INPP4B: variants seen among roughly 807,000 people sequenced by gnomAD.
INPP4B encodes inositol polyphosphate-4-phosphatase type II B.
A neutral mutation model predicts 122.5 loss-of-function variants in INPP4B; 55 were observed. The ratio of observed to expected loss-of-function variants is 0.45; its 90% CI spans 0.36 to 0.56. The LOEUF (loss-of-function observed/expected upper bound fraction) is 0.56, where lower values mean the gene tolerates loss of function less well. Among genes scored for constraint, INPP4B ranks in the 20% least tolerant of loss-of-function variants. INPP4B has a pLI of 0.00. For missense variants in INPP4B, 1,000 were observed against 1,097.7 expected (o/e 0.91, Z 1.26); for synonymous variants, 403 against 388.7 (o/e 1.04, Z -0.43).
intron 12 of INPP4B, among the ~76,000 whole-genome samples, chr4:142,225,513 C>T (rs1171735577): frequency 6.8e-6 from 1 of 147,934 alleles, no homozygotes; most frequent in Non-Finnish European, 1.5e-5. Flanking sequence ...CTAATATACA[C>T]ACAAATATAT....
chr4:142,545,817 G>GTGTGTATATATATACACATATATA (rs1560782705), intron 2 of INPP4B, among the ~76,000 whole-genome samples: 1 of 53,250 alleles, frequency 1.9e-5, no homozygotes, highest in African/African-American at 4.9e-5. Flanking sequence ...ACATATACAT[G>GTGTGTATATATATACACATATATA]TGTGTATATA....
chr4:142,402,149 T>C (rs1308156474), intron 7 of INPP4B, among the ~76,000 whole-genome samples: 1 of 152,334 alleles, frequency 6.6e-6, no homozygotes, highest in Admixed American at 6.5e-5. Flanking sequence ...CCACCTGCCA[T>C]TAAAGAGTTT....
intron 7 of INPP4B, among the ~76,000 whole-genome samples, chr4:142,392,670 G>T (rs548599850): frequency 2.0e-5 from 3 of 152,188 alleles, no homozygotes; most frequent in African/African-American, 4.8e-5. Flanking sequence ...TATCCCTCAC[G>T]ATAGGCTCTA....
intron 5 of INPP4B, among the ~76,000 whole-genome samples, chr4:142,416,761 T>C (rs1805858100): frequency 6.6e-6 from 1 of 152,154 alleles, no homozygotes; most frequent in Non-Finnish European, 1.5e-5. Flanking sequence ...TGTGATTCTG[T>C]GTAGGCAAAA....
chr4:142,271,104 C>T (rs932133513), intron 9 of INPP4B, among the ~76,000 whole-genome samples: 3 of 150,680 alleles, frequency 2.0e-5, no homozygotes, highest in African/African-American at 7.3e-5. Flanking sequence ...GCTGGGATTA[C>T]AGGCATGTGC....
chr4:142,469,757 A>G (rs10012476), intron 2 of INPP4B, among the ~76,000 whole-genome samples: 22,623 of 152,078 alleles, frequency 0.15, 1,956 homozygotes, highest in East Asian at 0.36. Flanking sequence ...TATTAAAGGG[A>G]CAATATAATT....
Position 142,806,278 on chromosome 4 carries a change from C to CAAAAAAAA in INPP4B, c.-254+39923_-254+39930dup, listed in dbSNP as rs1175185594. Reference sequence around the variant, plus strand: ...TGGGAGAACGAGTGAGACTCCGTCTCAAAAAAAAAAAAAAAAAAAAAAAAA... The same window carrying CAAAAAAAA: ...TGGGAGAACGAGTGAGACTCCGTCTCAAAAAAAAAAAAAAAAAAAAAAAAAAAAAAAAA... On this transcript the variant is annotated intron_variant, in intron 1 of 25. Transcript: ENST00000262992. Among the ~76,000 whole-genome samples, 165 of 53,580 alleles carry CAAAAAAAA rather than the reference C, an allele frequency of 3.1e-3. 3 individuals carry two copies. The highest frequency in any genetic ancestry group is 0.01 in the African/African-American group (138 of 13,748). 35.2% of individuals were successfully genotyped at this position (53,580 alleles called of 152,430 possible).
chr4:142,524,230 G>A (rs1428059673), intron 2 of INPP4B, among the ~76,000 whole-genome samples: 16 of 152,068 alleles, frequency 1.1e-4, no homozygotes, highest in Non-Finnish European at 1.8e-4. Context: ...AGGAATCGCC[G>A]CACCGACTTC....
chr4:142,668,701 A>C (rs969042199), intron 2 of INPP4B, among the ~76,000 whole-genome samples: 6 of 152,176 alleles, frequency 3.9e-5, no homozygotes, highest in African/African-American at 1.4e-4. Flanking sequence ...TTGTACACTA[A>C]CAGTGAACTA....
rs140160077 is a variant in INPP4B, at chr4:142,042,841, A to G, written c.2643-13927T>C. Among the ~76,000 whole-genome samples the G allele has an allele frequency of 2.6e-4, 39 of 152,246 alleles. No individual in the cohort carries two copies. The East Asian group carries it at 4.5e-3, about 17-fold the overall frequency. ...CTCCCAAAGTGCTGGGATTACAGGC[A>G]TGAGCCACCGCGCCCAGACGATTCT... On this transcript the variant is annotated intron_variant, in intron 25 of 25. Coordinates refer to ENST00000262992, the MANE Select transcript of INPP4B (RefSeq NM_001101669.3).
chr4:142,768,492 G>A (rs1297107785), intron 1 of INPP4B, among the ~76,000 whole-genome samples: 1 of 152,186 alleles, frequency 6.6e-6, no homozygotes, highest in African/African-American at 2.4e-5. Context: ...CAGTCACATA[G>A]GAGTGGCCTC....
chr4:142,431,125 GCAT>G (rs1223529366), intron 4 of INPP4B, 41 bp downstream of exon 4: 1 of 1,446,892 alleles, frequency 6.9e-7, no homozygotes, highest in Admixed American at 1.7e-5. Flanking sequence ...GGCCCAATTT[GCAT>G]CTTTAGATGC....
intron 2 of INPP4B, among the ~76,000 whole-genome samples, chr4:142,612,408 T>A (rs1742749422): frequency 6.6e-6 from 1 of 152,224 alleles, no homozygotes; most frequent in African/African-American, 2.4e-5. Context: ...TATCCATTCT[T>A]TATGTCTTAG....
At chr4:142,385,540 G>A (rs28588752) in intron 7 of INPP4B, among the ~76,000 whole-genome samples, 2 of 151,952 alleles carry the variant, frequency 1.3e-5, no homozygotes, top group Non-Finnish European at 2.9e-5. Flanking sequence ...CTTACCGAAC[G>A]ATTATATTTA....
At chr4:142,710,301 G>A (rs1415476283) in intron 2 of INPP4B, among the ~76,000 whole-genome samples, 1 of 152,194 alleles carries the variant, frequency 6.6e-6, no homozygotes, top group Admixed American at 6.5e-5. Context: ...ATTATTCATT[G>A]AAGGGTAAAA....
At chr4:142,833,465 TATAACA>T (rs1250136442) in intron 1 of INPP4B, among the ~76,000 whole-genome samples, 3 of 152,082 alleles carry the variant, frequency 2.0e-5, no homozygotes, top group Admixed American at 6.6e-5. Flanking sequence ...GAGTATAGAA[TATAACA>T]ATAACAATCA....
rs1236731799 is a variant in INPP4B at position 142,248,381 on chromosome 4, A to G, written c.689-10370T>C. On this transcript the variant is annotated intron_variant, in intron 11 of 25. Coordinates refer to ENST00000262992, the MANE Select transcript of INPP4B (RefSeq NM_001101669.3). Reference sequence around the variant, plus strand: ...AGATGGAGTTTCACTGTTGTTGCCCAGGCTGGAGTCCAGTGGCATGATCTT... The same window carrying G: ...AGATGGAGTTTCACTGTTGTTGCCCGGGCTGGAGTCCAGTGGCATGATCTT... Among the ~76,000 whole-genome samples, 3 of 115,440 alleles carry G rather than the reference A, an allele frequency of 2.6e-5. No homozygotes were observed. The Admixed American group carries it at 3.8e-4, about 14-fold the overall frequency. 75.7% of individuals were successfully genotyped at this position (115,440 alleles called of 152,430 possible).
chr4:142,220,112 G>A (rs74632678), intron 12 of INPP4B, among the ~76,000 whole-genome samples: 3 of 152,280 alleles, frequency 2.0e-5, no homozygotes, highest in East Asian at 1.9e-4. Flanking sequence ...CAGTGACTTC[G>A]TTGATGCCAC....
At chr4:142,455,767 T>C (rs1267400439) in intron 3 of INPP4B, among the ~76,000 whole-genome samples, 1 of 151,994 alleles carries the variant, frequency 6.6e-6, no homozygotes, top group Non-Finnish European at 1.5e-5. Flanking sequence ...TTACGTTTCC[T>C]CCAGCAGTGT....
Sources: allele counts gnomAD v4.1 joint callset (sites outside exome capture counted in the v4.1 genomes callset), GRCh38; gene constraint gnomAD v4.1.1; transcripts MANE v1.5; gene names NCBI Gene and HGNC (gene_info 2026-07-23, HGNC 2026-07-21).